The following FOCAD variants were observed in gnomAD, a reference collection of about 807,000 sequenced individuals.
FOCAD encodes the protein focadhesin.
In FOCAD, 198 loss-of-function variants were observed where a neutral mutation model predicts 225.6. That is an observed-to-expected ratio of 0.88 (90% confidence interval 0.78 to 0.99). The LOEUF (loss-of-function observed/expected upper bound fraction) is 0.99, where lower values mean the gene tolerates loss of function less well. Ranked by LOEUF, FOCAD falls within the 50% of genes least tolerant of loss-of-function variation. The pLI is 0.00. For missense variants in FOCAD, 2,713 were observed against 2,123.6 expected, an observed-to-expected ratio of 1.28 and a Z score of -5.46; for synonymous variants, 897 against 755.0, an observed-to-expected ratio of 1.19 and a Z score of -3.08.
intron 4 of FOCAD, among the ~76,000 whole-genome samples, chr9:20,738,844 T>A (rs1827364945): frequency 6.6e-6 from 1 of 152,230 alleles, no homozygotes. Flanking sequence ...TTAACTTTAA[T>A]AATATATTTT....
chr9:20,757,197 G>A (rs551022631), intron 5 of FOCAD, among the ~76,000 whole-genome samples: 21 of 152,248 alleles, frequency 1.4e-4, no homozygotes, highest in African/African-American at 5.1e-4. Context: ...CCAAAGTGCT[G>A]GGATTACAGG....
chr9:20,770,788 G>A (rs1156854456), intron 8 of FOCAD, among the ~76,000 whole-genome samples: 2 of 152,162 alleles, frequency 1.3e-5, no homozygotes, highest in Non-Finnish European at 2.9e-5. Flanking sequence ...TATTGCTATT[G>A]CACTACTGGT....
intron 28 of FOCAD, among the ~76,000 whole-genome samples, chr9:20,937,266 G>A (rs1338167177): frequency 6.7e-6 from 1 of 149,912 alleles, no homozygotes; most frequent in Non-Finnish European, 1.5e-5. Context: ...AGCCCACATT[G>A]CCAAGTCAAT....
intron 21 of FOCAD, among the ~76,000 whole-genome samples, chr9:20,898,980 G>T (rs921575864): frequency 7.2e-5 from 11 of 151,746 alleles, no homozygotes; most frequent in African/African-American, 2.2e-4. Flanking sequence ...AATTCCTTAG[G>T]TGGGATAGGA....
intron 43 of FOCAD, among the ~76,000 whole-genome samples, 185 bp from the exon 44 acceptor site, chr9:20,995,371 A>C (rs1476566007): frequency 2.4e-5 from 2 of 81,808 alleles, no homozygotes; most frequent in African/African-American, 1.0e-4. Context: ...AAAAAAAAAA[A>C]AAAAAACAAC....
At chr9:20,885,262 A>G (rs762217724) in intron 21 of FOCAD, 32 bp downstream of exon 21, 3 of 1,411,228 alleles carry the variant, frequency 2.1e-6, no homozygotes, top group South Asian at 1.8e-5. Flanking sequence ...TTTATGTTTT[A>G]GTGTTTTCTC....
At chr9:20,713,379 G>T (rs1586918996) in intron 1 of FOCAD, among the ~76,000 whole-genome samples, 1 of 152,258 alleles carries the variant, frequency 6.6e-6, no homozygotes, top group South Asian at 2.1e-4. Flanking sequence ...CTAGATATCT[G>T]TTTGGCTAAT....
intron 2 of FOCAD, among the ~76,000 whole-genome samples, chr9:20,669,806 G>A (rs1056193235): frequency 6.6e-6 from 1 of 151,890 alleles, no homozygotes; most frequent in African/African-American, 2.4e-5. Context: ...GATAATACAG[G>A]GCGCCCATGT....
chr9:20,910,882 A>T (rs1381494445), intron 22 of FOCAD, among the ~76,000 whole-genome samples: 1 of 152,116 alleles, frequency 6.6e-6, no homozygotes, highest in African/African-American at 2.4e-5. Context: ...AAGAAAAAAC[A>T]TGAAAACTAC....
intron 11 of FOCAD, among the ~76,000 whole-genome samples, chr9:20,801,409 T>C (rs190047055): frequency 5.9e-5 from 9 of 152,252 alleles, no homozygotes; most frequent in Admixed American, 5.9e-4. Flanking sequence ...CTCGAAACCA[T>C]GATCTCAAGT....
Position 20,992,498 on chromosome 9 carries a change from C to G in FOCAD, c.5257-755C>G, listed in dbSNP as rs138160495. ...GAGGCAGCATGATGCAAAGAAAGAG[C>G]ATAGGGCTCTGAAGCCAAGTGTACT... On this transcript the variant is annotated intron_variant, in intron 42 of 43. Transcript: ENST00000338382. Among the ~76,000 whole-genome samples the G allele has an allele frequency of 2.8e-4, 42 of 152,294 alleles. No individual in the cohort carries two copies. The East Asian group carries it at 6.7e-3, about 24-fold the overall frequency.
chr9:20,984,778 A>T (rs931433403), intron 39 of FOCAD, among the ~76,000 whole-genome samples: 1 of 152,102 alleles, frequency 6.6e-6, no homozygotes, highest in Non-Finnish European at 1.5e-5. Flanking sequence ...TCACCAAAAA[A>T]CTCAACAACT....
intron 37 of FOCAD, among the ~76,000 whole-genome samples, chr9:20,978,980 C>A (rs568143952): frequency 6.6e-6 from 1 of 152,280 alleles, no homozygotes; most frequent in South Asian, 2.1e-4. Flanking sequence ...GGCTGTTTAG[C>A]TTGAGCAAAG....
rs1839860957 is a variant in FOCAD, at chr9:20,972,596, T to C, written c.4133-3824T>C. Among the ~76,000 whole-genome samples the C allele has an allele frequency of 3.3e-5, 5 of 152,320 alleles. No individual in the cohort carries two copies. The South Asian group carries it at 1.0e-3, about 32-fold the overall frequency. ...GTTGTTCTGCTTTTCCTGCTAATTC[T>C]GCATGTGCTTCTCTTTTCTCCTATG... is the stretch of plus-strand genomic sequence containing the variant. On this transcript the variant is annotated intron_variant, in intron 35 of 43. Transcript: ENST00000338382.
At chr9:20,797,656 G>T (rs1199075713) in intron 11 of FOCAD, among the ~76,000 whole-genome samples, 1 of 151,988 alleles carries the variant, frequency 6.6e-6, no homozygotes, top group Non-Finnish European at 1.5e-5. Flanking sequence ...TTTTTGCATT[G>T]ATTTTGCAAA....
At chr9:20,659,118 G>T (rs1176735381) in intron 2 of FOCAD, among the ~76,000 whole-genome samples, 1 of 152,164 alleles carries the variant, frequency 6.6e-6, no homozygotes. Flanking sequence ...TACTTGGCAG[G>T]CTGAGGAAGG....
chr9:20,909,802 T>G (rs1833288582), intron 22 of FOCAD, among the ~76,000 whole-genome samples: 1 of 152,114 alleles, frequency 6.6e-6, no homozygotes, highest in African/African-American at 2.4e-5. Flanking sequence ...TTATGGTATC[T>G]TAGAATAATT....
At chr9:20,808,990 C>T (rs1198551410) in intron 11 of FOCAD, among the ~76,000 whole-genome samples, 1 of 151,898 alleles carries the variant, frequency 6.6e-6, no homozygotes, top group Admixed American at 6.6e-5. Flanking sequence ...TCATATATTC[C>T]CCCAAAAAAT....
chr9:20,922,881 T>C (rs1219588870), intron 24 of FOCAD, among the ~76,000 whole-genome samples: 2 of 152,326 alleles, frequency 1.3e-5, no homozygotes, highest in East Asian at 3.9e-4. Context: ...CTTGGAATTA[T>C]GGAATAATAT....
Sources: allele counts gnomAD v4.1 joint callset (sites outside exome capture counted in the v4.1 genomes callset), GRCh38; gene constraint gnomAD v4.1.1; transcripts MANE v1.5; gene names NCBI Gene and HGNC (gene_info 2026-07-23, HGNC 2026-07-21).